Variants in SIPA1L1 observed in about 807,000 individuals in gnomAD.
The protein encoded by SIPA1L1 is signal-induced proliferation-associated 1-like protein 1.
A neutral mutation model predicts 162.7 loss-of-function variants in SIPA1L1; 26 were observed. That is an observed-to-expected ratio of 0.16 (90% confidence interval 0.12 to 0.22). The LOEUF (loss-of-function observed/expected upper bound fraction) is 0.22, where lower values mean the gene tolerates loss of function less well. SIPA1L1 is among the 10% of genes least tolerant of loss of function. SIPA1L1 has a pLI of 1.00. For missense variants in SIPA1L1, 1,874 were observed against 2,241.0 expected (o/e 0.84, Z 3.31); for synonymous variants, 829 against 837.4 (o/e 0.99, Z 0.17).
chr14:71,490,534 T>C (rs2049158209), intron 2 of SIPA1L1, among the ~76,000 whole-genome samples: 1 of 152,224 alleles, frequency 6.6e-6, no homozygotes, highest in African/African-American at 2.4e-5. Context: ...ACTTGTATTT[T>C]ATTTATAAGA....
chr14:71,328,738 C>T (rs1311411651), intron 2 of SIPA1L1, among the ~76,000 whole-genome samples: 6 of 152,136 alleles, frequency 3.9e-5, no homozygotes, highest in Admixed American at 1.3e-4. Context: ...GGGACATGTA[C>T]ATGCAATTTG....
intron 2 of SIPA1L1, among the ~76,000 whole-genome samples, chr14:71,451,171 C>T (rs2045791538): frequency 6.6e-6 from 1 of 151,510 alleles, no homozygotes; most frequent in Non-Finnish European, 1.5e-5. Flanking sequence ...CATGATCTCC[C>T]CTACATATGC....
chr14:71,664,053 T>A (rs1002314418), intron 10 of SIPA1L1, among the ~76,000 whole-genome samples: 1 of 152,172 alleles, frequency 6.6e-6, no homozygotes, highest in African/African-American at 2.4e-5. Flanking sequence ...TCAGGAAGTG[T>A]TTGAAGACAC....
intron 4 of SIPA1L1, among the ~76,000 whole-genome samples, chr14:71,582,988 A>G (rs891569822): frequency 6.6e-6 from 1 of 152,226 alleles, no homozygotes; most frequent in African/African-American, 2.4e-5. Flanking sequence ...AAAGCCAAGA[A>G]GGGATGTAAA....
At chr14:71,641,836 T>C (rs924196005) in intron 7 of SIPA1L1, among the ~76,000 whole-genome samples, 3 of 152,282 alleles carry the variant, frequency 2.0e-5, no homozygotes, top group East Asian at 1.9e-4. Context: ...AAAACTAATT[T>C]ATAGTAAAAA....
At chr14:71,415,090 T>C (rs1226978744) in intron 2 of SIPA1L1, among the ~76,000 whole-genome samples, 1 of 152,192 alleles carries the variant, frequency 6.6e-6, no homozygotes, top group Non-Finnish European at 1.5e-5. Flanking sequence ...GAAAATTTCC[T>C]AAGGAGTCAG....
At chr14:71,454,765 T>C (rs1234547694) in intron 2 of SIPA1L1, among the ~76,000 whole-genome samples, 1 of 152,182 alleles carries the variant, frequency 6.6e-6, no homozygotes, top group Non-Finnish European at 1.5e-5. Flanking sequence ...AAAAGCTGTT[T>C]ATTATAAAAC....
At chr14:71,338,502 A>G (rs1395391805) in intron 2 of SIPA1L1, among the ~76,000 whole-genome samples, 1 of 152,144 alleles carries the variant, frequency 6.6e-6, no homozygotes, top group Non-Finnish European at 1.5e-5. Context: ...GGACAGGGTC[A>G]TTGTAAAGGG....
chr14:71,457,120 A>T (rs539554221), intron 2 of SIPA1L1, among the ~76,000 whole-genome samples: 1 of 151,934 alleles, frequency 6.6e-6, no homozygotes, highest in African/African-American at 2.4e-5. Context: ...TAATACTTCA[A>T]ACTGCCCTAG....
intron 13 of SIPA1L1, among the ~76,000 whole-genome samples, chr14:71,686,964 G>T (rs983768589): frequency 6.6e-6 from 1 of 152,170 alleles, no homozygotes; most frequent in African/African-American, 2.4e-5. Flanking sequence ...AATCATCACC[G>T]CTCCAGTTTG....
rs2032829726 is a variant in SIPA1L1, at chr14:71,321,191, CCCCGCGCCCGGGT to C, written c.-465+13_-465+25del. On this transcript the variant is annotated intron_variant, in intron 2 of 23. Transcript: ENST00000381232. ...GAGGCCGGGCCGAGCGGTAAGTGGT[CCCCGCGCCCGGGT>C]CCTGGGGGGAGCGGGGGTGCAGGAC... is the stretch of plus-strand genomic sequence containing the variant. 6.6e-6 allele frequency: 1 copy of C among 152,188 alleles called. No homozygotes were observed. Among genetic ancestry groups the C allele is most frequent in the Admixed American group, 6.5e-5 (1 of 15,288 alleles). The allele number at this position is 152,188 out of a possible 1,614,324, so 9.4% of individuals were successfully genotyped here. A position where few individuals can be genotyped will look rare whatever the true frequency, so the allele number is the denominator to read the frequency against.
intron 2 of SIPA1L1, among the ~76,000 whole-genome samples, chr14:71,394,673 C>T (rs952094825): frequency 6.6e-6 from 1 of 152,178 alleles, no homozygotes; most frequent in Admixed American, 6.5e-5. Context: ...GATCTGGAAT[C>T]ATGTTTGAAT....
At chr14:71,419,480 CTTTTT>C (rs779874892) in intron 2 of SIPA1L1, among the ~76,000 whole-genome samples, 9 of 85,244 alleles carry the variant, frequency 1.1e-4, no homozygotes, top group African/African-American at 3.4e-4. Context: ...GAGGATCTCT[CTTTTT>C]TTTTTTTTTT....
At chr14:71,563,317 T>C (rs1253853165) in intron 4 of SIPA1L1, among the ~76,000 whole-genome samples, 1 of 152,160 alleles carries the variant, frequency 6.6e-6, no homozygotes, top group Admixed American at 6.5e-5. Context: ...TCGTTTTTTT[T>C]TTTTAACACG....
At chr14:71,444,710 T>C (rs1471987465) in intron 2 of SIPA1L1, among the ~76,000 whole-genome samples, 1 of 152,196 alleles carries the variant, frequency 6.6e-6, no homozygotes, top group African/African-American at 2.4e-5. Flanking sequence ...CAGGCCCAGG[T>C]AGGTGTCTGC....
At chr14:71,367,446 A>G (rs1001652348) in intron 2 of SIPA1L1, among the ~76,000 whole-genome samples, 6 of 151,480 alleles carry the variant, frequency 4.0e-5, no homozygotes, top group African/African-American at 1.5e-4. Flanking sequence ...AGCTGGGACT[A>G]CAGGCGCCCG....
intron 5 of SIPA1L1, among the ~76,000 whole-genome samples, chr14:71,610,142 G>T (rs1269426980): frequency 6.6e-6 from 1 of 152,070 alleles, no homozygotes; most frequent in Non-Finnish European, 1.5e-5. Flanking sequence ...ATTTCTATTG[G>T]TGTCAAAGTC....
At chr14:71,540,110 C>A (rs961768668) in intron 4 of SIPA1L1, among the ~76,000 whole-genome samples, 3 of 151,708 alleles carry the variant, frequency 2.0e-5, no homozygotes, top group African/African-American at 7.3e-5. Context: ...CTAAAAATAC[C>A]TTATCATGGA....
At chr14:71,642,743 A>C (rs752438160) in intron 7 of SIPA1L1, among the ~76,000 whole-genome samples, 3 of 152,196 alleles carry the variant, frequency 2.0e-5, no homozygotes. Context: ...ATAATTAAAC[A>C]ATTAAAACCA....
Sources: gnomAD v4.1 joint callset for allele counts (sites outside exome capture counted in the v4.1 genomes callset) on GRCh38, gnomAD v4.1.1 for gene constraint, MANE v1.5 for transcripts, NCBI Gene and HGNC (gene_info 2026-07-23, HGNC 2026-07-21) for gene names.